The following ELAVL2 variants were observed in gnomAD, a reference collection of about 807,000 sequenced individuals.
ELAVL2 encodes the protein ELAV-like protein 2.
A neutral mutation model predicts 34.6 loss-of-function variants in ELAVL2; 4 were observed. The ratio of observed to expected loss-of-function variants is 0.12; its 90% confidence interval spans 0.06 to 0.26. ELAVL2 has a LOEUF of 0.26. ELAVL2 is among the 10% of genes least tolerant of loss of function. The pLI, the probability that ELAVL2 is intolerant of heterozygous loss-of-function variation, is 1.00. For missense variants in ELAVL2, 432 were observed against 442.8 expected (o/e 0.98, Z 0.22); for synonymous variants, 193 against 154.8 (o/e 1.25, Z -1.83).
intron 1 of ELAVL2, among the ~76,000 whole-genome samples, chr9:23,787,215 C>T (rs1010709466): frequency 2.6e-5 from 4 of 151,938 alleles, no homozygotes; most frequent in Admixed American, 6.6e-5. Context: ...AAGGGCATTA[C>T]CCCCCTGTGA....
chr9:23,715,369 T>G (rs1355262191), intron 3 of ELAVL2, among the ~76,000 whole-genome samples: 1 of 151,946 alleles, frequency 6.6e-6, no homozygotes, highest in African/African-American at 2.4e-5. Flanking sequence ...AGAATGGTCT[T>G]GATCTCCTGA....
intron 1 of ELAVL2, among the ~76,000 whole-genome samples, chr9:23,792,084 AC>A (rs536649599): frequency 1.5e-3 from 235 of 152,320 alleles, no homozygotes; most frequent in Admixed American, 2.9e-3. Flanking sequence ...AAGTAACTAC[AC>A]CATCATTCTA....
At chr9:23,797,687 G>A (rs2061111066) in intron 1 of ELAVL2, among the ~76,000 whole-genome samples, 1 of 152,236 alleles carries the variant, frequency 6.6e-6, no homozygotes, top group Admixed American at 6.5e-5. Flanking sequence ...CAGTACTTTG[G>A]GAGGCTGAGG....
At chr9:23,726,161 T>C (rs868697373) in intron 3 of ELAVL2, among the ~76,000 whole-genome samples, 12 of 152,082 alleles carry the variant, frequency 7.9e-5, no homozygotes, top group African/African-American at 2.9e-4. Flanking sequence ...AAAAAGTTAA[T>C]GGCAATACAG....
In ELAVL2 at chr9:23,691,830, G is replaced by C. The variant is rs1404879611; in HGVS notation, c.*727C>G. On this transcript the variant is annotated 3_prime_UTR_variant, in exon 7 of 7. Coordinates refer to ENST00000397312, the MANE Select transcript of ELAVL2 (RefSeq NM_004432.5). Reference sequence around the variant, plus strand: ...GTGTCATATGAAGAGATTTCTCAAAGTATTCAAGTCAAAATATTTGTTCCA... The same window carrying C: ...GTGTCATATGAAGAGATTTCTCAAACTATTCAAGTCAAAATATTTGTTCCA... 1.3e-5 allele frequency: 2 copies of C among 152,472 alleles called. No homozygotes were observed. Among genetic ancestry groups the C allele is most frequent in the Non-Finnish European group, 2.9e-5 (2 of 67,992 alleles). The allele number at this position is 152,472 out of a possible 1,614,324, so 9.4% of individuals were successfully genotyped here. A position where few individuals can be genotyped will look rare whatever the true frequency, so the allele number is the denominator to read the frequency against.
At chr9:23,720,788 A>T (rs764044811) in intron 3 of ELAVL2, among the ~76,000 whole-genome samples, 1 of 152,224 alleles carries the variant, frequency 6.6e-6, no homozygotes, top group Non-Finnish European at 1.5e-5. Flanking sequence ...CAAATCATTA[A>T]GATCCACTGA....
intron 1 of ELAVL2, among the ~76,000 whole-genome samples, chr9:23,825,561 C>T (rs1034596586): frequency 1.3e-5 from 2 of 152,136 alleles, no homozygotes; most frequent in Non-Finnish European, 2.9e-5. Flanking sequence ...TACCCCTACT[C>T]CCCCCTGGCC....
rs1226890742 is a variant in ELAVL2 at position 23,812,750 on chromosome 9, C to A, written c.-16+13056G>T. Among the ~76,000 whole-genome samples the A allele has an allele frequency of 5.3e-4, 72 of 135,054 alleles. 1 individual carries two copies. The South Asian group carries it at 1.0e-2, about 19-fold the overall frequency. The allele number at this position is 135,054 out of a possible 152,430, so 88.6% of individuals were successfully genotyped here. On this transcript the variant is annotated intron_variant, in intron 1 of 6. Coordinates refer to ENST00000397312, the MANE Select transcript of ELAVL2 (RefSeq NM_004432.5). ...ACACTTATACTAACACTCCAAATAT[C>A]AAAAAAAAAAAAAAAATTGGCTGGG... is the stretch of plus-strand genomic sequence containing the variant.
intron 3 of ELAVL2, among the ~76,000 whole-genome samples, chr9:23,717,068 C>G (rs961421951): frequency 2.6e-5 from 4 of 152,212 alleles, no homozygotes; most frequent in African/African-American, 7.2e-5. Context: ...CAGTCAAAAT[C>G]AGTGTGGTAG....
intron 1 of ELAVL2, among the ~76,000 whole-genome samples, chr9:23,819,283 T>A (rs1310710842): frequency 1.3e-5 from 2 of 152,100 alleles, no homozygotes; most frequent in Non-Finnish European, 2.9e-5. Context: ...CCACTGAAAC[T>A]GGGACAGAAA....
chr9:23,819,286 G>C (rs763550428), intron 1 of ELAVL2, among the ~76,000 whole-genome samples: 25 of 152,230 alleles, frequency 1.6e-4, no homozygotes, highest in Admixed American at 6.5e-5. Context: ...CTGAAACTGG[G>C]ACAGAAAGGC....
intron 3 of ELAVL2, among the ~76,000 whole-genome samples, chr9:23,722,328 G>A (rs2043946037): frequency 6.6e-6 from 1 of 152,206 alleles, no homozygotes; most frequent in Admixed American, 6.5e-5. Flanking sequence ...ATTTCAGGAA[G>A]TTACTACTAT....
chr9:23,818,658 C>T (rs1432354935), intron 1 of ELAVL2, among the ~76,000 whole-genome samples: 1 of 152,128 alleles, frequency 6.6e-6, no homozygotes, highest in Non-Finnish European at 1.5e-5. Context: ...AGCTAAGTAC[C>T]ACAGATTCTA....
intron 3 of ELAVL2, among the ~76,000 whole-genome samples, chr9:23,729,862 C>G (rs2046127658): frequency 6.6e-6 from 1 of 152,032 alleles, no homozygotes; most frequent in African/African-American, 2.4e-5. Flanking sequence ...AAAAATGACA[C>G]TTCATTTCCA....
chr9:23,808,389 T>A (rs1376065912), intron 1 of ELAVL2, among the ~76,000 whole-genome samples: 2 of 152,168 alleles, frequency 1.3e-5, no homozygotes, highest in Non-Finnish European at 2.9e-5. Context: ...GTAGTATATG[T>A]GGCATATAGC....
chr9:23,772,166 A>G (rs2057408337), intron 1 of ELAVL2, among the ~76,000 whole-genome samples: 1 of 152,216 alleles, frequency 6.6e-6, no homozygotes, highest in Non-Finnish European at 1.5e-5. Flanking sequence ...TACAAAAGTC[A>G]CAGCTATCAG....
At chr9:23,696,211 C>A (rs1384048513) in intron 5 of ELAVL2, among the ~76,000 whole-genome samples, 1 of 151,910 alleles carries the variant, frequency 6.6e-6, no homozygotes, top group East Asian at 1.9e-4. Context: ...CTGAAGCCCC[C>A]TGACTGTATG....
chr9:23,726,884 A>G (rs1006244697), intron 3 of ELAVL2, among the ~76,000 whole-genome samples: 4 of 152,106 alleles, frequency 2.6e-5, no homozygotes, highest in African/African-American at 9.7e-5. Context: ...TGAACACAGT[A>G]GGTACAACCA....
chr9:23,722,532 C>A lies in ELAVL2; in HGVS notation c.333+8490G>T, dbSNP rs1300102666. ...CTCCACTCTCTGGCACCTAAGAGAT[C>A]TGGTCCAGAAAGTCTCAAGACAAAG... On this transcript the variant is annotated intron_variant, in intron 3 of 6. Coordinates refer to ENST00000397312, the MANE Select transcript of ELAVL2 (RefSeq NM_004432.5). Among the ~76,000 whole-genome samples the A allele has an allele frequency of 2.6e-5, 4 of 152,278 alleles. No homozygotes were observed. The East Asian group carries it at 7.7e-4, about 29-fold the overall frequency.
Sources: gnomAD v4.1 joint callset for allele counts (sites outside exome capture counted in the v4.1 genomes callset) on GRCh38, gnomAD v4.1.1 for gene constraint, MANE v1.5 for transcripts, NCBI Gene and HGNC (gene_info 2026-07-23, HGNC 2026-07-21) for gene names.